The following TBC1D32 variants were observed in gnomAD, a reference collection of about 807,000 sequenced individuals.
The protein encoded by TBC1D32 is protein broad-minded.
A neutral mutation model predicts 170.3 loss-of-function variants in TBC1D32; 151 were observed. The observed-to-expected ratio is 0.89, with a 90% CI of 0.78 to 1.01. TBC1D32 has a LOEUF of 1.01. TBC1D32 is among the 50% of genes least tolerant of loss of function. TBC1D32 has a pLI of 0.00. For missense variants in TBC1D32, 1,464 were observed against 1,457.1 expected (o/e 1.00, Z -0.08); for synonymous variants, 498 against 488.0 (o/e 1.02, Z -0.27).
rs147828766 is a variant in TBC1D32 at position 121,225,755 on chromosome 6, A to G, written c.2365-2403T>C. On this transcript the variant is annotated intron_variant, in intron 20 of 31. Coordinates refer to ENST00000398212, the MANE Select transcript of TBC1D32 (RefSeq NM_152730.6). The stretch of plus-strand genomic sequence containing the variant: ...AAGATTTCAGCAGCTTGTTTCTAGA[A>G]GAAATACATTCATTTCTCACACATC... Among the ~76,000 whole-genome samples the G allele has an allele frequency of 2.9e-3, 442 of 152,236 alleles. 1 individual carries two copies. Among genetic ancestry groups the G allele is most frequent in the African/African-American group, 9.8e-3 (407 of 41,574 alleles).
chr6:121,160,033 G>T lies in TBC1D32; in HGVS notation c.2750C>A (p.Thr917Lys). ...ACCTTGTTTTATACCAGCATTTCTT[G>T]TAATGTCTGACAGATAGCAGTTTGG... Reference protein sequence around the residue: ...PLPNCYLSDITRNAGIKQDND... With the variant: ...PLPNCYLSDIKRNAGIKQDND... Residue 917 changes from threonine (T) to lysine (K), a missense_variant, in exon 24 of 32, where the codon ACA becomes AAA. Thr to Lys is a moderately conservative substitution (Grantham distance 78). Around this residue, in one of 3 missense-constraint regions of TBC1D32, gnomAD observed 1,363 missense variants for 1,338.1 expected, o/e 1.02. Coordinates refer to ENST00000398212, the MANE Select transcript of TBC1D32 (RefSeq NM_152730.6). The T allele has an allele frequency of 6.2e-7, 1 of 1,604,266 alleles. No individual in the cohort carries two copies. The highest frequency in any genetic ancestry group is 8.5e-7 in the Non-Finnish European group (1 of 1,172,220).
At chr6:121,097,717 C>A (rs1452725577) in intron 30 of TBC1D32, among the ~76,000 whole-genome samples, 1 of 152,168 alleles carries the variant, frequency 6.6e-6, no homozygotes, top group Non-Finnish European at 1.5e-5. Context: ...GATTATAAAT[C>A]ATGCTGCTAT....
rs1808099996 is a variant in TBC1D32 at position 121,310,952 on chromosome 6, A to G, written c.496-105T>C. The G allele has an allele frequency of 6.8e-5, 48 of 704,708 alleles. No homozygotes were observed. The South Asian group carries it at 8.2e-4, about 12-fold the overall frequency. 43.7% of individuals were successfully genotyped at this position (704,708 alleles called of 1,614,324 possible). The stretch of plus-strand genomic sequence containing the variant: ...TCCAAGCACAAAACACAATCCAGAC[A>G]AGAGAAGGAGATGATCTATTTTGAT... On this transcript the variant is annotated intron_variant, in intron 3 of 31. Transcript: ENST00000398212.
At chr6:121,085,963 A>G (rs1776234255) in intron 31 of TBC1D32, among the ~76,000 whole-genome samples, 1 of 152,078 alleles carries the variant, frequency 6.6e-6, no homozygotes, top group Non-Finnish European at 1.5e-5. Context: ...AGGTATTACT[A>G]TTACATGATA....
At chr6:121,328,254 A>C (rs969749627) in intron 1 of TBC1D32, among the ~76,000 whole-genome samples, 1 of 151,536 alleles carries the variant, frequency 6.6e-6, no homozygotes, top group Non-Finnish European at 1.5e-5. Context: ...AATTTTTCTA[A>C]CTGGTTTTTC....
intron 27 of TBC1D32, among the ~76,000 whole-genome samples, chr6:121,113,773 C>G (rs1779428857): frequency 6.6e-6 from 1 of 152,160 alleles, no homozygotes; most frequent in South Asian, 2.1e-4. Context: ...TTTTAGTATA[C>G]ATACAATGCA....
chr6:121,178,671 C>T (rs1583092352), intron 22 of TBC1D32, among the ~76,000 whole-genome samples: 1 of 152,174 alleles, frequency 6.6e-6, no homozygotes, highest in African/African-American at 2.4e-5. Flanking sequence ...ATGTCTCTAA[C>T]CAATGGAGTA....
intron 22 of TBC1D32, among the ~76,000 whole-genome samples, chr6:121,162,039 T>A (rs987694618): frequency 2.6e-5 from 4 of 152,204 alleles, no homozygotes; most frequent in Admixed American, 6.5e-5. Context: ...TGTTTGCTTT[T>A]CTCTTGTAAA....
At chr6:121,303,042 T>C (rs1259123435) in intron 9 of TBC1D32, among the ~76,000 whole-genome samples, 3 of 152,148 alleles carry the variant, frequency 2.0e-5, no homozygotes, top group South Asian at 2.1e-4. Context: ...GTTGCTGCTA[T>C]TGACAAACAC....
intron 31 of TBC1D32, among the ~76,000 whole-genome samples, chr6:121,088,884 T>A (rs1209449963): frequency 1.3e-5 from 2 of 152,190 alleles, no homozygotes; most frequent in African/African-American, 4.8e-5. Context: ...TCCTTTAGTT[T>A]TAAACTGACA....
At chr6:121,125,120 A>AT (rs1403291161) in intron 26 of TBC1D32, among the ~76,000 whole-genome samples, 29 of 151,438 alleles carry the variant, frequency 1.9e-4, no homozygotes, top group Non-Finnish European at 3.5e-4. Flanking sequence ...CTGCAGAATT[A>AT]TGTATTTATT....
chr6:121,242,124 A>G, intron 18 of TBC1D32, 77 bp downstream of exon 18: 1 of 1,456,650 alleles, frequency 6.9e-7, no homozygotes. Flanking sequence ...CTTCATACAC[A>G]GAAAACAGAA....
chr6:121,215,006 T>A (rs753006281), intron 21 of TBC1D32, among the ~76,000 whole-genome samples: 27 of 152,050 alleles, frequency 1.8e-4, no homozygotes, highest in Non-Finnish European at 2.8e-4. Context: ...ACAATGTATA[T>A]CTCCTCTCCA....
chr6:121,304,490 A>C, intron 7 of TBC1D32, 32 bp downstream of exon 7: 10 of 1,602,428 alleles, frequency 6.2e-6, no homozygotes, highest in Non-Finnish European at 8.5e-6. Flanking sequence ...CTAAATAAAT[A>C]AAAATGAAAG....
At chr6:121,296,005 G>C (rs1159631848) in intron 10 of TBC1D32, among the ~76,000 whole-genome samples, 2 of 152,046 alleles carry the variant, frequency 1.3e-5, no homozygotes, top group East Asian at 3.9e-4. Context: ...TAGGAGTCTT[G>C]GACCCTGGTA....
At chr6:121,229,274 C>A (rs186910735) in intron 20 of TBC1D32, among the ~76,000 whole-genome samples, 1 of 152,222 alleles carries the variant, frequency 6.6e-6, no homozygotes, top group African/African-American at 2.4e-5. Context: ...CATATCTAGA[C>A]ACTATAATTT....
At chr6:121,086,096 G>T (rs886775794) in intron 31 of TBC1D32, among the ~76,000 whole-genome samples, 1 of 152,022 alleles carries the variant, frequency 6.6e-6, no homozygotes, top group Non-Finnish European at 1.5e-5. Flanking sequence ...TGTTAACAAA[G>T]AAATAAGAAG....
At chr6:121,140,504 A>G (rs1782655428) in intron 24 of TBC1D32, among the ~76,000 whole-genome samples, 1 of 152,096 alleles carries the variant, frequency 6.6e-6, no homozygotes, top group Non-Finnish European at 1.5e-5. Flanking sequence ...ATTAAAAGGA[A>G]TGATTATAAC....
At chr6:121,177,447 C>T (rs1787923503) in intron 22 of TBC1D32, among the ~76,000 whole-genome samples, 1 of 152,132 alleles carries the variant, frequency 6.6e-6, no homozygotes, top group Admixed American at 6.5e-5. Context: ...AGCTGCTATG[C>T]TTCTCGTATA....
Sources: allele counts gnomAD v4.1 joint callset (sites outside exome capture counted in the v4.1 genomes callset), GRCh38; gene constraint gnomAD v4.1.1; regional missense constraint gnomAD v4.1.1; transcripts MANE v1.5; gene names NCBI Gene and HGNC (gene_info 2026-07-23, HGNC 2026-07-21).